The following PGM1 variants were observed in gnomAD, a reference collection of about 807,000 sequenced individuals.
The protein encoded by PGM1 is phosphoglucomutase-1.
A neutral mutation model predicts 55.6 loss-of-function variants in PGM1; 52 were observed. The ratio of observed to expected loss-of-function variants is 0.94; its 90% CI spans 0.75 to 1.18. PGM1 has a LOEUF of 1.18. Among genes scored for constraint, PGM1 ranks in the 50% most tolerant of loss-of-function variants. PGM1 has a pLI of 0.00. For synonymous variants in PGM1, 287 were observed against 271.7 expected (o/e 1.06, Z -0.55); for missense variants, 724 against 729.3 (o/e 0.99, Z 0.08).
intron 1 of PGM1, chr1:63,623,362 C>T (rs1262521768): frequency 4.6e-6 from 7 of 1,524,004 alleles, no homozygotes; most frequent in African/African-American, 4.2e-5. Flanking sequence ...TTTAGTTACT[C>T]ATACGACACT....
intron 1 of PGM1, among the ~76,000 whole-genome samples, chr1:63,594,663 C>T (rs1019635922): frequency 2.0e-5 from 3 of 151,466 alleles, no homozygotes; most frequent in African/African-American, 7.3e-5. Flanking sequence ...AATGTGGGGC[C>T]GGGCATGGTG....
chr1:63,618,899 C>T (rs186703747), intron 1 of PGM1, among the ~76,000 whole-genome samples: 10 of 152,220 alleles, frequency 6.6e-5, no homozygotes, highest in Admixed American at 3.9e-4. Flanking sequence ...GATACTATTT[C>T]GAATTCTTTT....
intron 7 of PGM1, among the ~76,000 whole-genome samples, chr1:63,647,709 T>A (rs1267126074): frequency 6.6e-6 from 1 of 152,178 alleles, no homozygotes; most frequent in East Asian, 1.9e-4. Flanking sequence ...TCCCACAGCC[T>A]TGCAGTGAGA....
At chr1:63,635,462 A>G (rs187596971) in intron 5 of PGM1, among the ~76,000 whole-genome samples, 91 of 152,340 alleles carry the variant, frequency 6.0e-4, no homozygotes, top group African/African-American at 2.0e-3. Context: ...TGAAGATGAT[A>G]TTGAGAGAAT....
At chr1:63,655,612 GTTTC>G (rs1649942632) in intron 10 of PGM1, 1 of 152,276 alleles carries the variant, frequency 6.6e-6, no homozygotes, top group Admixed American at 6.5e-5. Flanking sequence ...GGACAGGACA[GTTTC>G]TTTAAGTGTT....
In PGM1 at chr1:63,630,856, A is replaced by G. The variant is rs950987159; in HGVS notation, c.556+768A>G. ...CTTTATGGAATGCATTTTATTAGTCATTTAGTTCCTGGCTAAAGGATGGAT... is the reference window on the plus strand; with the variant it reads ...CTTTATGGAATGCATTTTATTAGTCGTTTAGTTCCTGGCTAAAGGATGGAT... On this transcript the variant is annotated intron_variant, in intron 3 of 10. Coordinates refer to ENST00000371084, the MANE Select transcript of PGM1 (RefSeq NM_002633.3). Among the ~76,000 whole-genome samples, 11 of 152,318 alleles carry G rather than the reference A, an allele frequency of 7.2e-5. No homozygotes were observed. In the East Asian group the frequency reaches 1.9e-3, roughly 27 times the overall value.
chr1:63,631,458 G>A (rs1649190921), intron 3 of PGM1, among the ~76,000 whole-genome samples, 199 bp from the exon 4 acceptor site: 1 of 152,164 alleles, frequency 6.6e-6, no homozygotes, highest in African/African-American at 2.4e-5. Context: ...TTACCTCTCA[G>A]GAAAATTGTT....
chr1:63,596,002 A>G (rs185015295), intron 1 of PGM1, among the ~76,000 whole-genome samples: 323 of 152,244 alleles, frequency 2.1e-3, no homozygotes, highest in Middle Eastern at 3.4e-3. Context: ...CCACTACTCC[A>G]GTAGAATTGC....
At position 63,634,888 on chromosome 1, in the gene PGM1, G is replaced by A; in HGVS notation, c.742G>A (p.Ala248Thr). ...AGAACTCGGTGCCCCTGCGAACTCGGCAGTTAACTGCGTTCCTCTGGAGGA... is the reference window on the plus strand; with the variant it reads ...AGAACTCGGTGCCCCTGCGAACTCGACAGTTAACTGCGTTCCTCTGGAGGA... ...CEELGAPANS[A>T]VNCVPLEDFG... The change falls in exon 5 of 11, where the codon GCA becomes ACA. Residue 248 changes from alanine (A) to threonine (T), a missense_variant. Physicochemically the swap from Ala to Thr is moderately conservative, Grantham distance 58 (BLOSUM62 0). Around this residue, in one of 3 missense-constraint regions of PGM1, gnomAD observed 379 missense variants for 357.5 expected, o/e 1.06. Transcript: ENST00000371084. 1 of 1,588,086 alleles carries A rather than the reference G, an allele frequency of 6.3e-7. No individual in the cohort carries two copies. Among genetic ancestry groups the A allele is most frequent in the Middle Eastern group, 1.7e-4 (1 of 5,726 alleles).
chr1:63,623,337 A>G (rs1648933412), intron 1 of PGM1: 1 of 1,507,366 alleles, frequency 6.6e-7, no homozygotes, highest in Non-Finnish European at 8.8e-7. Flanking sequence ...GTGATCGTCC[A>G]TGCAAACCCT....
chr1:63,618,856 C>T (rs1010361231), intron 1 of PGM1, among the ~76,000 whole-genome samples: 14 of 152,124 alleles, frequency 9.2e-5, no homozygotes, highest in Admixed American at 6.5e-4. Flanking sequence ...GCCCTACCTA[C>T]GTGAGAAGAT....
intron 1 of PGM1, among the ~76,000 whole-genome samples, chr1:63,624,367 G>C (rs1308194406): frequency 6.6e-6 from 1 of 152,150 alleles, no homozygotes; most frequent in East Asian, 1.9e-4. Flanking sequence ...TGTGCAGCAG[G>C]GTAGAGATAA....
chr1:63,646,005 A>G (rs1354940081), intron 7 of PGM1, among the ~76,000 whole-genome samples: 1 of 152,200 alleles, frequency 6.6e-6, no homozygotes, highest in Non-Finnish European at 1.5e-5. Context: ...TGTTTTGTGC[A>G]GGTTGCTACA....
At chr1:63,626,166 G>T (rs1649009375) in intron 1 of PGM1, among the ~76,000 whole-genome samples, 1 of 152,100 alleles carries the variant, frequency 6.6e-6, no homozygotes, top group Non-Finnish European at 1.5e-5. Flanking sequence ...CTTAGTGCCT[G>T]GCTGAGGGGG....
intron 7 of PGM1, among the ~76,000 whole-genome samples, chr1:63,647,465 A>G (rs1649688072): frequency 6.7e-6 from 1 of 148,662 alleles, no homozygotes; most frequent in Non-Finnish European, 1.5e-5. Flanking sequence ...GTTTTCTTTT[A>G]TGAATACCGA....
In PGM1 at chr1:63,593,454, T is replaced by G. The variant is rs756324880; in HGVS notation, c.-35T>G. On this transcript the variant is annotated 5_prime_UTR_variant, in exon 1 of 11. Transcript: ENST00000371084. ...GCCGGCCGCCCCTCCGCCAGCCAAGTCCGCCGCTCTGACCCCCGGCAGCAA... is the reference window on the plus strand; with the variant it reads ...GCCGGCCGCCCCTCCGCCAGCCAAGGCCGCCGCTCTGACCCCCGGCAGCAA... The G allele has an allele frequency of 6.2e-7, 1 of 1,612,362 alleles. No individual in the cohort carries two copies. The highest frequency in any genetic ancestry group is 8.5e-7 in the Non-Finnish European group (1 of 1,179,566).
Position 63,631,593 on chromosome 1 carries a change from T to A in PGM1, c.557-64T>A. ...GCAGGTTTACAGCAATATAGTCACA[T>A]CAGAATATAATATTTCTAAATGTGT... On this transcript the variant is annotated intron_variant, in intron 3 of 10. Transcript: ENST00000371084. The A allele has an allele frequency of 4.0e-6, 6 of 1,511,552 alleles. No homozygotes were observed. In the South Asian group the frequency reaches 4.5e-5, roughly 11 times the overall value. The allele number at this position is 1,511,552 out of a possible 1,614,324, so 93.6% of individuals were successfully genotyped here.
At chr1:63,645,393 TAAG>T (rs1421688238) in intron 7 of PGM1, among the ~76,000 whole-genome samples, 1 of 151,726 alleles carries the variant, frequency 6.6e-6, no homozygotes, top group Non-Finnish European at 1.5e-5. Context: ...AAAAAAAAAT[TAAG>T]GAGAAAAAGA....
At chr1:63,651,501 C>G (rs1424801628) in intron 8 of PGM1, 168 bp from the exon 9 acceptor site, 1 of 644,070 alleles carries the variant, frequency 1.6e-6, no homozygotes, top group Non-Finnish European at 2.8e-6. Flanking sequence ...TCATCCCTGG[C>G]CTGTTCCATC....
Sources: gnomAD v4.1 joint callset for allele counts (sites outside exome capture counted in the v4.1 genomes callset) on GRCh38, gnomAD v4.1.1 for gene constraint, gnomAD v4.1.1 regional missense constraint, MANE v1.5 for transcripts, NCBI Gene and HGNC (gene_info 2026-07-23, HGNC 2026-07-21) for gene names.